ANO7: variants seen among roughly 807,000 people sequenced by gnomAD.
ANO7 encodes anoctamin 7, also known as anoctamin-7.
A neutral mutation model predicts 115.8 loss-of-function variants in ANO7; 114 were observed. The ratio of observed to expected loss-of-function variants is 0.98; its 90% CI spans 0.85 to 1.15. The LOEUF (loss-of-function observed/expected upper bound fraction) is 1.15, where lower values mean the gene tolerates loss of function less well. Among genes scored for constraint, ANO7 ranks in the 50% most tolerant of loss-of-function variants. The pLI is 0.00. For missense variants in ANO7, 1,302 were observed against 1,201.2 expected (o/e 1.08, Z -1.24); for synonymous variants, 550 against 498.2 (o/e 1.10, Z -1.38).
chr2:241,198,492 C>T (rs2068394323), intron 4 of ANO7, among the ~76,000 whole-genome samples: 1 of 152,226 alleles, frequency 6.6e-6, no homozygotes, highest in South Asian at 2.1e-4. Context: ...GGGGGGACTA[C>T]TGCAGGGGAC....
At chr2:241,191,045 G>T (rs574709613) in intron 2 of ANO7, 149 bp from the exon 3 acceptor site, 4 of 882,444 alleles carry the variant, frequency 4.5e-6, no homozygotes, top group Non-Finnish European at 7.2e-6. Context: ...CTACCCACCC[G>T]CCGAACATTC....
intron 11 of ANO7, among the ~76,000 whole-genome samples, chr2:241,208,613 C>A (rs2068641542): frequency 6.6e-6 from 1 of 152,180 alleles, no homozygotes; most frequent in Admixed American, 6.6e-5. Flanking sequence ...GAATTCAACT[C>A]ACTACAGGTC....
At chr2:241,191,462 G>GT (rs1223209543) in intron 3 of ANO7, among the ~76,000 whole-genome samples, 1 of 152,148 alleles carries the variant, frequency 6.6e-6, no homozygotes, top group Non-Finnish European at 1.5e-5. Flanking sequence ...TACTGATGGG[G>GT]TGGGGCCGGA....
chr2:241,230,703 G>T, downstream of ANO7: 1 of 1,504,178 alleles, frequency 6.6e-7, no homozygotes, highest in Non-Finnish European at 9.2e-7. The surrounding 1 kb of genome is among the most constrained non-coding windows in gnomAD (Gnocchi z 5.0). Flanking sequence ...CTTCTGGCCA[G>T]CCAGGTGCCC....
chr2:241,226,709 C>T (rs2069184852), downstream of ANO7, among the ~76,000 whole-genome samples: 2 of 152,208 alleles, frequency 1.3e-5, no homozygotes, highest in African/African-American at 4.8e-5. Context: ...CAGGCGTGAG[C>T]CACCGTACCC....
chr2:241,235,760 G>T, the ANO7 span: 1 of 578,388 alleles, frequency 1.7e-6, no homozygotes, highest in South Asian at 2.3e-5. Flanking sequence ...GAAAAGAATA[G>T]GAAAAGATTT....
chr2:241,220,353 A>G (rs1381337950), intron 21 of ANO7, among the ~76,000 whole-genome samples: 1 of 152,066 alleles, frequency 6.6e-6, no homozygotes, highest in East Asian at 1.9e-4. Context: ...CTTTGGAAAT[A>G]TTATTCTTTT....
At chr2:241,201,756 A>G (rs541872526) in intron 7 of ANO7, among the ~76,000 whole-genome samples, 1 of 152,304 alleles carries the variant, frequency 6.6e-6, no homozygotes, top group African/African-American at 2.4e-5. Context: ...CCTGAGGCCT[A>G]CCCAAGAGAG....
At chr2:241,213,022 G>A (rs1299436258) in intron 17 of ANO7, 1 of 231,748 alleles carries the variant, frequency 4.3e-6, no homozygotes, top group Admixed American at 5.2e-5. Context: ...AGCTGTCCCA[G>A]CCCGTATTAC....
chr2:241,234,778 G>A, the ANO7 span, among the ~76,000 whole-genome samples: 2 of 152,206 alleles, frequency 1.3e-5, no homozygotes, highest in African/African-American at 2.4e-5. Flanking sequence ...GGGGGTCCCC[G>A]ATGCTCGTCC....
intron 5 of ANO7, among the ~76,000 whole-genome samples, 190 bp downstream of exon 5, chr2:241,199,613 A>G (rs1270414424): frequency 6.6e-6 from 1 of 152,196 alleles, no homozygotes; most frequent in Non-Finnish European, 1.5e-5. Flanking sequence ...CATCCCCCAC[A>G]GTGGGCTCCC....
chr2:241,218,503 G>A, intron 21 of ANO7, 122 bp downstream of exon 21: 2 of 881,088 alleles, frequency 2.3e-6, no homozygotes, highest in Non-Finnish European at 3.0e-6. Context: ...GGGCAAGGCC[G>A]GGGGAGGGGG....
intron 8 of ANO7, 83 bp downstream of exon 8, chr2:241,202,387 TG>T: frequency 7.6e-7 from 1 of 1,322,646 alleles, no homozygotes; most frequent in Non-Finnish European, 1.1e-6. Flanking sequence ...GAGGCGGGTG[TG>T]GGGCAGGCAT....
chr2:241,188,892 G>A lies in ANO7; in HGVS notation c.-8+126G>A. The A allele has an allele frequency of 7.7e-7, 1 of 1,296,652 alleles. No individual in the cohort carries two copies. The highest frequency in any genetic ancestry group is 1.0e-6 in the Non-Finnish European group (1 of 962,870). The allele number at this position is 1,296,652 out of a possible 1,614,324, so 80.3% of individuals were successfully genotyped here. On this transcript the variant is annotated intron_variant, in intron 1 of 24. Coordinates refer to ENST00000674324, the MANE Select transcript of ANO7 (RefSeq NM_001370694.2). This position sits in a 1 kb window ranked among gnomAD's most constrained non-coding sequence, Gnocchi z 4.3. ...CCTGGCCTGTGGGGAGGCAGTGCCA[G>A]GGCCCGCCCTGGTCCCCAAAGCCCC... is the stretch of plus-strand genomic sequence containing the variant.
rs538106160 is a variant in ANO7 at position 241,209,005 on chromosome 2, C to T, written c.1078-280C>T. ...TCTACTAAAAATACAAAAATTTAGC[C>T]GGGCGTGGTGGCGGGCGCCTGTAGT... is the stretch of plus-strand genomic sequence containing the variant. On this transcript the variant is annotated intron_variant, in intron 11 of 24. Transcript: ENST00000674324. 4.3e-4 allele frequency among the ~76,000 whole-genome samples: 66 copies of T among 152,242 alleles called. 1 individual carries two copies. In the South Asian group the frequency reaches 5.0e-3, roughly 11 times the overall value.
downstream of ANO7, chr2:241,230,150 C>G (rs1390647606): frequency 3.7e-6 from 6 of 1,609,972 alleles, no homozygotes; most frequent in Non-Finnish European, 5.1e-6. This position sits in a 1 kb window ranked among gnomAD's most constrained non-coding sequence, Gnocchi z 5.0. Flanking sequence ...CACAGAGACT[C>G]ACGTATTCCT....
rs764216534 is a variant in ANO7, at chr2:241,199,469, C to T, written c.417+46C>T. The stretch of plus-strand genomic sequence containing the variant: ...CAGGGTGGGCCTGGAGGTCCCGGTC[C>T]CCACACACTGCGTTCAGCTGCCAGT... On this transcript the variant is annotated intron_variant, in intron 5 of 24. Transcript: ENST00000674324. 6.3e-6 allele frequency: 10 copies of T among 1,586,392 alleles called. No individual in the cohort carries two copies. In the East Asian group the frequency reaches 2.2e-4, roughly 36 times the overall value.
At chr2:241,233,853 G>A in the ANO7 span, 12 of 1,614,182 alleles carry the variant, frequency 7.4e-6, no homozygotes, top group Non-Finnish European at 1.0e-5. The surrounding 1 kb of genome is among the most constrained non-coding windows in gnomAD (Gnocchi z 4.3). Flanking sequence ...GAAACTGGAT[G>A]TTCACGTCAT....
chr2:241,210,690 T>C, intron 15 of ANO7, 120 bp downstream of exon 15: 2 of 865,312 alleles, frequency 2.3e-6, no homozygotes, highest in Non-Finnish European at 3.7e-6. Flanking sequence ...TTTCTTCTTT[T>C]TTCTTTTGAG....
Sources: gnomAD v4.1 joint callset for allele counts (sites outside exome capture counted in the v4.1 genomes callset) on GRCh38, gnomAD v4.1.1 for gene constraint, Gnocchi (gnomAD v3.1) non-coding constraint, MANE v1.5 for transcripts, NCBI Gene and HGNC (gene_info 2026-07-23, HGNC 2026-07-21) for gene names.